RALGPS1: variants seen among roughly 807,000 people sequenced by gnomAD.
RALGPS1 encodes the protein Ral GEF with PH domain and SH3 binding motif 1.
RALGPS1 carries 19 observed loss-of-function variants against 78.8 expected under a neutral mutation model. That is an observed-to-expected ratio of 0.24 (90% CI 0.17 to 0.35). RALGPS1 has a LOEUF of 0.35. Among genes scored for constraint, RALGPS1 ranks in the 10% least tolerant of loss-of-function variants. The probability of loss-of-function intolerance (pLI) is 1.00; values close to 1 mark genes in which losing one functional copy is unlikely to be tolerated. For synonymous variants in RALGPS1, 228 were observed against 256.3 expected (o/e 0.89, Z 1.06); for missense variants, 454 against 688.3 (o/e 0.66, Z 3.81).
At chr9:127,160,737 G>T (rs2058974420) in intron 8 of RALGPS1, among the ~76,000 whole-genome samples, 1 of 152,214 alleles carries the variant, frequency 6.6e-6, no homozygotes, top group African/African-American at 2.4e-5. Flanking sequence ...CCCTAGCACT[G>T]CTGTCTGTCC....
chr9:127,095,406 A>AAAT (rs1564567943), intron 8 of RALGPS1, among the ~76,000 whole-genome samples: 22 of 152,158 alleles, frequency 1.4e-4, no homozygotes, highest in Non-Finnish European at 2.5e-4. Context: ...CCGTCTCAAA[A>AAAT]AAATAAATAA....
intron 8 of RALGPS1, among the ~76,000 whole-genome samples, chr9:127,098,342 C>T (rs1213841769): frequency 1.3e-5 from 2 of 152,224 alleles, no homozygotes; most frequent in Non-Finnish European, 2.9e-5. Context: ...CTGCCCAGAG[C>T]ATCAGGCCAA....
At chr9:127,209,101 T>G (rs559774102) in intron 14 of RALGPS1, among the ~76,000 whole-genome samples, 3 of 152,226 alleles carry the variant, frequency 2.0e-5, no homozygotes, top group Non-Finnish European at 4.4e-5. Context: ...CATCCCTGGA[T>G]AGCAGACAAA....
chr9:127,089,072 C>T, intron 8 of RALGPS1: 1 of 1,614,216 alleles, frequency 6.2e-7, no homozygotes, highest in Non-Finnish European at 8.5e-7. Context: ...GTACCAGACC[C>T]CGTTGAGGTT....
intron 11 of RALGPS1, among the ~76,000 whole-genome samples, chr9:127,190,565 G>A (rs894679409): frequency 2.6e-5 from 4 of 152,126 alleles, no homozygotes; most frequent in Non-Finnish European, 4.4e-5. Context: ...CGATTTATCT[G>A]TATTGATACC....
chr9:126,961,727 T>C (rs935908600), intron 1 of RALGPS1, among the ~76,000 whole-genome samples: 2 of 152,086 alleles, frequency 1.3e-5, no homozygotes, highest in African/African-American at 4.8e-5. Context: ...GCCCAGGAGG[T>C]TGAGGCTGCA....
chr9:127,143,593 A>G (rs1326490535), intron 8 of RALGPS1, among the ~76,000 whole-genome samples: 1 of 152,138 alleles, frequency 6.6e-6, no homozygotes, highest in Non-Finnish European at 1.5e-5. Context: ...AAACTACCTC[A>G]ACAGATTTTA....
chr9:126,926,998 GA>G (rs1488623123), intron 1 of RALGPS1, among the ~76,000 whole-genome samples: 2 of 152,188 alleles, frequency 1.3e-5, no homozygotes, highest in Non-Finnish European at 2.9e-5. Context: ...GTTTGGAATG[GA>G]TGAGGGGTTG....
At chr9:127,135,010 C>T (rs1352207545) in intron 8 of RALGPS1, among the ~76,000 whole-genome samples, 4 of 152,180 alleles carry the variant, frequency 2.6e-5, no homozygotes, top group Admixed American at 6.5e-5. Flanking sequence ...GCACTCATCT[C>T]TGCTGCCTGG....
Position 127,218,373 on chromosome 9 carries a change from A to G in RALGPS1, c.1645-367A>G, listed in dbSNP as rs2062684077. On this transcript the variant is annotated intron_variant, in intron 18 of 18. Coordinates refer to ENST00000259351, the MANE Select transcript of RALGPS1 (RefSeq NM_014636.3). The surrounding 1 kb of genome is among the most constrained non-coding windows in gnomAD (Gnocchi z 4.4). ...GTCTCTCTGCCCCAAGCGCAGTTTG[A>G]TTTTCACTGAAGGAGATAGGTTAAG... Among the ~76,000 whole-genome samples, 2 of 152,052 alleles carry G rather than the reference A, an allele frequency of 1.3e-5. No homozygotes were observed. Among genetic ancestry groups the G allele is most frequent in the African/African-American group, 4.8e-5 (2 of 41,382 alleles).
chr9:126,981,190 A>G (rs1293360490), intron 4 of RALGPS1, among the ~76,000 whole-genome samples: 5 of 152,190 alleles, frequency 3.3e-5, no homozygotes, highest in African/African-American at 9.7e-5. Context: ...TGAGCAAGCT[A>G]TGAGGAGTTA....
At chr9:126,923,869 A>G (rs1269988425) in intron 1 of RALGPS1, among the ~76,000 whole-genome samples, 1 of 152,242 alleles carries the variant, frequency 6.6e-6, no homozygotes, top group Non-Finnish European at 1.5e-5. Context: ...GCTGATTGAT[A>G]TGTAGCATCC....
intron 8 of RALGPS1, among the ~76,000 whole-genome samples, chr9:127,121,020 C>T (rs2056020728): frequency 6.6e-6 from 1 of 152,072 alleles, no homozygotes; most frequent in Non-Finnish European, 1.5e-5. Context: ...TTGAGTGGCT[C>T]CGGAGCCACA....
rs763504758 is a variant in RALGPS1 at position 127,180,650 on chromosome 9, C to T, written c.910+5868C>T. ...TGGCCTCCCAGGCGGGCTCTGGTGC[C>T]GTCCAGACATCGGGGAGTTGGTAGG... On this transcript the variant is annotated intron_variant, in intron 11 of 18. Coordinates refer to ENST00000259351, the MANE Select transcript of RALGPS1 (RefSeq NM_014636.3). 7.2e-5 allele frequency among the ~76,000 whole-genome samples: 11 copies of T among 152,318 alleles called. No homozygotes were observed. In the South Asian group the frequency reaches 1.4e-3, roughly 20 times the overall value.
At chr9:126,946,000 A>T (rs777893594) in intron 1 of RALGPS1, among the ~76,000 whole-genome samples, 3 of 152,168 alleles carry the variant, frequency 2.0e-5, no homozygotes, top group Non-Finnish European at 4.4e-5. Context: ...TTTTGCAATC[A>T]CTCTATTAAG....
At chr9:127,008,216 G>T (rs2044029670) in intron 4 of RALGPS1, among the ~76,000 whole-genome samples, 1 of 152,032 alleles carries the variant, frequency 6.6e-6, no homozygotes, top group Non-Finnish European at 1.5e-5. Flanking sequence ...AGTTGGAAGT[G>T]CCTGTGTGAT....
chr9:127,120,582 G>T (rs964854802), intron 8 of RALGPS1, among the ~76,000 whole-genome samples: 1 of 152,204 alleles, frequency 6.6e-6, no homozygotes, highest in Non-Finnish European at 1.5e-5. Flanking sequence ...CCAGCACTTC[G>T]GGAGGCCGAG....
intron 1 of RALGPS1, among the ~76,000 whole-genome samples, chr9:126,925,576 T>G (rs1189145926): frequency 6.6e-6 from 1 of 151,140 alleles, no homozygotes; most frequent in Non-Finnish European, 1.5e-5. Flanking sequence ...AAAATTACAG[T>G]GCATAGTGTT....
chr9:127,055,054 G>A (rs2048624057), intron 7 of RALGPS1, among the ~76,000 whole-genome samples: 1 of 149,654 alleles, frequency 6.7e-6, no homozygotes. Context: ...AATCTCCTTG[G>A]GGAGCCTGGA....
Sources: gnomAD v4.1 joint callset for allele counts (sites outside exome capture counted in the v4.1 genomes callset) on GRCh38, gnomAD v4.1.1 for gene constraint, Gnocchi (gnomAD v3.1) non-coding constraint, MANE v1.5 for transcripts, NCBI Gene and HGNC (gene_info 2026-07-23, HGNC 2026-07-21) for gene names.